LDLRAD3: variants seen among roughly 807,000 people sequenced by gnomAD.
LDLRAD3 encodes the protein low density lipoprotein receptor class A domain containing 3.
A neutral mutation model predicts 29.4 loss-of-function variants in LDLRAD3; 20 were observed. That is an observed-to-expected ratio of 0.68 (90% CI 0.48 to 0.99). LDLRAD3 has a LOEUF of 0.99. Among genes scored for constraint, LDLRAD3 ranks in the 50% least tolerant of loss-of-function variants. The probability of loss-of-function intolerance (pLI) is 0.00; values close to 1 mark genes in which losing one functional copy is unlikely to be tolerated. For synonymous variants in LDLRAD3, 157 were observed against 192.7 expected (o/e 0.81, Z 1.53); for missense variants, 420 against 454.3 (o/e 0.92, Z 0.69).
intron 4 of LDLRAD3, among the ~76,000 whole-genome samples, chr11:36,149,859 A>G (rs1221976100): frequency 1.3e-5 from 2 of 151,222 alleles, no homozygotes; most frequent in Admixed American, 1.3e-4. Flanking sequence ...TGTGTTCCTC[A>G]TGACTGTTCC....
chr11:36,199,597 G>A (rs555046082), intron 4 of LDLRAD3, among the ~76,000 whole-genome samples: 4 of 148,676 alleles, frequency 2.7e-5, no homozygotes, highest in Admixed American at 1.3e-4. Flanking sequence ...ACGCACGCAC[G>A]CGTGCGCGCA....
At chr11:36,173,617 T>C (rs1322142879) in intron 4 of LDLRAD3, among the ~76,000 whole-genome samples, 2 of 152,112 alleles carry the variant, frequency 1.3e-5, no homozygotes, top group African/African-American at 4.8e-5. Context: ...TCCAAGTCTT[T>C]GCTATTGTGA....
rs555382614 is a variant in LDLRAD3, at chr11:36,021,236, T to C, written c.47-14867T>C. The stretch of plus-strand genomic sequence containing the variant: ...ATTGGCGGTGTTGGTTTGGAAGTTA[T>C]CACCGTGAAGGTCCAACTAATAGTG... On this transcript the variant is annotated intron_variant, in intron 1 of 5. Transcript: ENST00000315571. 2.0e-5 allele frequency among the ~76,000 whole-genome samples: 3 copies of C among 152,276 alleles called. No individual in the cohort carries two copies. In the East Asian group the frequency reaches 5.8e-4, roughly 29 times the overall value.
intron 2 of LDLRAD3, among the ~76,000 whole-genome samples, chr11:36,044,731 T>G (rs577349395): frequency 1.3e-5 from 2 of 152,270 alleles, no homozygotes; most frequent in East Asian, 3.9e-4. Flanking sequence ...AAACAAACAT[T>G]TGAGGGGCTG....
chr11:36,112,370 A>C (rs1306916609), intron 4 of LDLRAD3, among the ~76,000 whole-genome samples: 1 of 152,222 alleles, frequency 6.6e-6, no homozygotes, highest in East Asian at 1.9e-4. Flanking sequence ...GACCACTACT[A>C]ACTTGAGAAA....
intron 2 of LDLRAD3, among the ~76,000 whole-genome samples, chr11:36,039,380 C>G (rs1421843788): frequency 6.6e-6 from 1 of 152,074 alleles, no homozygotes; most frequent in African/African-American, 2.4e-5. Flanking sequence ...GCTGTGTGAT[C>G]GTGGGAAACT....
At chr11:36,094,643 C>T (rs1334717582) in intron 3 of LDLRAD3, among the ~76,000 whole-genome samples, 9 of 152,174 alleles carry the variant, frequency 5.9e-5, no homozygotes, top group Admixed American at 2.0e-4. Context: ...TCAAGTGATA[C>T]TCCTGCCTCA....
intron 2 of LDLRAD3, among the ~76,000 whole-genome samples, chr11:36,058,333 C>T (rs1315345229): frequency 2.0e-5 from 3 of 152,206 alleles, no homozygotes; most frequent in African/African-American, 7.2e-5. Context: ...CCACGTCTTC[C>T]TTCACGCTTC....
At chr11:35,997,962 G>A (rs1319118890) in intron 1 of LDLRAD3, among the ~76,000 whole-genome samples, 1 of 152,194 alleles carries the variant, frequency 6.6e-6, no homozygotes, top group East Asian at 1.9e-4. Context: ...TGTGGCGAGG[G>A]CACTGGGCCT....
intron 1 of LDLRAD3, among the ~76,000 whole-genome samples, chr11:36,016,289 C>T (rs191524971): frequency 2.1e-4 from 32 of 152,296 alleles, no homozygotes; most frequent in African/African-American, 7.7e-4. Flanking sequence ...AAGCAGTCAC[C>T]CACAGGTTTC....
intron 4 of LDLRAD3, among the ~76,000 whole-genome samples, chr11:36,210,982 G>A (rs936018350): frequency 6.6e-6 from 1 of 152,120 alleles, no homozygotes; most frequent in Non-Finnish European, 1.5e-5. Context: ...GCTGATTGCC[G>A]CATTTTGTGT....
intron 2 of LDLRAD3, among the ~76,000 whole-genome samples, chr11:36,056,245 G>A (rs1218439292): frequency 1.3e-5 from 2 of 152,028 alleles, no homozygotes; most frequent in African/African-American, 2.4e-5. Flanking sequence ...CACCCGCCGC[G>A]GCCTCCCAAA....
intron 4 of LDLRAD3, among the ~76,000 whole-genome samples, chr11:36,132,108 T>C (rs1853934775): frequency 6.6e-6 from 1 of 152,136 alleles, no homozygotes; most frequent in South Asian, 2.1e-4. Flanking sequence ...CTAAAATTCA[T>C]TTCATTAGCA....
At chr11:36,126,654 C>CT in intron 4 of LDLRAD3, among the ~76,000 whole-genome samples, 1 of 152,156 alleles carries the variant, frequency 6.6e-6, no homozygotes, top group Non-Finnish European at 1.5e-5. Flanking sequence ...AGCTCATTCA[C>CT]GTATGCAATA....
intron 4 of LDLRAD3, among the ~76,000 whole-genome samples, chr11:36,226,057 AC>A (rs1565317064): frequency 7.1e-6 from 1 of 140,884 alleles, no homozygotes; most frequent in Admixed American, 7.3e-5. Flanking sequence ...ACAGAGCGAG[AC>A]CCTGTCTCAA....
intron 4 of LDLRAD3, among the ~76,000 whole-genome samples, chr11:36,098,953 A>G (rs1853405985): frequency 6.6e-6 from 1 of 151,700 alleles, no homozygotes. Flanking sequence ...TTACTGTGCT[A>G]TCACAGACAT....
chr11:36,065,622 C>T (rs1046150486), intron 2 of LDLRAD3, among the ~76,000 whole-genome samples: 1 of 152,162 alleles, frequency 6.6e-6, no homozygotes, highest in African/African-American at 2.4e-5. Flanking sequence ...CAAGTTACAT[C>T]ATGACACAGA....
rs1565321457 is a variant in LDLRAD3 at position 36,230,494 on chromosome 11, A to G, written c.*1097A>G. ...GCTCTCCTGGCTCCCTGCACTGTGCACGCTCCTCTTCCCAAGGTCCCAATA... is the reference window on the plus strand; with the variant it reads ...GCTCTCCTGGCTCCCTGCACTGTGCGCGCTCCTCTTCCCAAGGTCCCAATA... On this transcript the variant is annotated 3_prime_UTR_variant, in exon 6 of 6. Coordinates refer to ENST00000315571, the MANE Select transcript of LDLRAD3 (RefSeq NM_174902.4). 6.5e-6 allele frequency: 1 copy of G among 152,798 alleles called. No individual in the cohort carries two copies. The highest frequency in any genetic ancestry group is 1.5e-5 in the Non-Finnish European group (1 of 68,186). 9.5% of individuals were successfully genotyped at this position (152,798 alleles called of 1,614,324 possible). A position where few individuals can be genotyped will look rare whatever the true frequency, so the allele number is the denominator to read the frequency against.
rs1855536720 is a variant in LDLRAD3 at position 36,229,023 on chromosome 11, T to C, written c.801-137T>C. On this transcript the variant is annotated intron_variant, in intron 5 of 5. Coordinates refer to ENST00000315571, the MANE Select transcript of LDLRAD3 (RefSeq NM_174902.4). ...CTGGTCCTTGAATTAATTGTCTTTG[T>C]ACTTGGAGGGAAAAATCTCATTTCG... The C allele has an allele frequency of 5.7e-6, 4 of 701,964 alleles. No homozygotes were observed. The Admixed American group carries it at 8.9e-5, about 16-fold the overall frequency. 43.5% of individuals were successfully genotyped at this position (701,964 alleles called of 1,614,324 possible). A position where few individuals can be genotyped will look rare whatever the true frequency, so the allele number is the denominator to read the frequency against.
Sources: allele counts gnomAD v4.1 joint callset (sites outside exome capture counted in the v4.1 genomes callset), GRCh38; gene constraint gnomAD v4.1.1; transcripts MANE v1.5; gene names NCBI Gene and HGNC (gene_info 2026-07-23, HGNC 2026-07-21).